The following CDC45 variants were observed in gnomAD, a reference collection of about 807,000 sequenced individuals.
The protein encoded by CDC45 is cell division cycle 45, also known as cell division control protein 45 homolog.
In CDC45, 54 loss-of-function variants were observed where a neutral mutation model predicts 77.8. The ratio of observed to expected loss-of-function variants is 0.69; its 90% CI spans 0.56 to 0.87. The LOEUF is 0.87. Ranked by LOEUF, CDC45 falls within the 40% of genes least tolerant of loss-of-function variation. CDC45 has a pLI of 0.00. For missense variants in CDC45, 649 were observed against 721.6 expected (o/e 0.90, Z 1.15); for synonymous variants, 260 against 272.1 (o/e 0.96, Z 0.44).
chr22:19,510,283 A>G (rs1933441538), intron 13 of CDC45, among the ~76,000 whole-genome samples: 1 of 151,994 alleles, frequency 6.6e-6, no homozygotes, highest in South Asian at 2.1e-4. Context: ...AGTAGGTTGC[A>G]GTTAGGTTTT....
In CDC45 at chr22:19,494,328, A is replaced by C; in HGVS notation, c.488A>C (p.Glu163Ala). 1 of 1,612,412 alleles carries C rather than the reference A, an allele frequency of 6.2e-7. No individual in the cohort carries two copies. The highest frequency in any genetic ancestry group is 8.5e-7 in the Non-Finnish European group (1 of 1,179,838). ...PSEKRTRLEEEIVEQTMRRRQ... is the reference protein window; with the variant it reads ...PSEKRTRLEEAIVEQTMRRRQ... ...TTGTTCTCTTTGTCCCTGTATCAGG[A>C]GATAGTGGAGCAAACCATGCGGAGG... Residue 163 changes from glutamate to alanine, a missense_variant and splice_region_variant, in exon 6 of 19, where the codon GAG becomes GCG. Physicochemically the swap from Glu to Ala is moderately radical, Grantham distance 107. Coordinates refer to ENST00000263201, the MANE Select transcript of CDC45 (RefSeq NM_003504.5).
At position 19,507,797 on chromosome 22, in the gene CDC45, C is replaced by A. The variant is rs756413581; in HGVS notation, c.988C>A (p.Gln330Lys). The A allele has an allele frequency of 6.2e-7, 1 of 1,601,998 alleles. No individual in the cohort carries two copies. ...CCTGAAGCAGGTGAAGCAGAAGTTC[C>A]AGGCCATGGACATCTCCTTGAAGGA... ...LPLKQVKQKF[Q>K]AMDISLKENL... The change falls in exon 12 of 19, where the codon CAG becomes AAG. Residue 330 changes from glutamine to lysine, a missense_variant. Coordinates refer to ENST00000263201, the MANE Select transcript of CDC45 (RefSeq NM_003504.5).
intron 17 of CDC45, among the ~76,000 whole-genome samples, chr22:19,518,375 G>A (rs1249747953): frequency 2.6e-5 from 4 of 152,216 alleles, no homozygotes; most frequent in Non-Finnish European, 5.9e-5. Context: ...GGGTCTGGGT[G>A]CTCAGCTGAG....
At position 19,505,446 on chromosome 22, in the gene CDC45, C is replaced by CT; in HGVS notation, c.790dup (p.Ser264PhefsTer10). 6.2e-7 allele frequency: 1 copy of CT among 1,614,082 alleles called. No homozygotes were observed. Among genetic ancestry groups the CT allele is most frequent in the Non-Finnish European group, 8.5e-7 (1 of 1,179,898 alleles). On this transcript the variant is annotated frameshift_variant, in exon 10 of 19. Transcript: ENST00000263201. LOFTEE classifies it high-confidence loss of function. ...GGAACGAGGATGAGGAGAACACACT[C>CT]TCCGTGGACTGCACACGGATCTCCT...
At chr22:19,488,822 A>T (rs530591441) in intron 5 of CDC45, among the ~76,000 whole-genome samples, 7 of 152,294 alleles carry the variant, frequency 4.6e-5, no homozygotes, top group African/African-American at 7.2e-5. Context: ...TTCTTTTGAG[A>T]TAATTACAGA....
intron 18 of CDC45, among the ~76,000 whole-genome samples, chr22:19,519,498 G>A (rs1212736493): frequency 6.6e-6 from 1 of 152,220 alleles, no homozygotes; most frequent in East Asian, 1.9e-4. Context: ...CTTTCTTAAG[G>A]GTTCCCAGGA....
intron 7 of CDC45, among the ~76,000 whole-genome samples, chr22:19,496,651 G>A (rs544335661): frequency 4.6e-5 from 7 of 152,244 alleles, no homozygotes; most frequent in Non-Finnish European, 1.0e-4. Context: ...TAAACAGTTG[G>A]TGGGGAGGGT....
At position 19,505,472 on chromosome 22, in the gene CDC45, TTGAGTA is replaced by T; in HGVS notation, c.823_824+4del. ...TCCGTGGACTGCACACGGATCTCCTTTGAGTATGAGTATCCTTGTGGCCCAGCCTGA... is the reference window on the plus strand; with the variant it reads ...TCCGTGGACTGCACACGGATCTCCTTTGAGTATCCTTGTGGCCCAGCCTGA... On this transcript the variant is annotated inframe_deletion, in exon 10 of 19. Transcript: ENST00000263201. 1.2e-6 allele frequency: 2 copies of T among 1,614,072 alleles called. No homozygotes were observed. The highest frequency in any genetic ancestry group is 1.7e-6 in the Non-Finnish European group (2 of 1,179,990).
rs769525949 is a variant in CDC45 at position 19,480,042 on chromosome 22, C to T, written c.51+23C>T. On this transcript the variant is annotated intron_variant, in intron 1 of 18. Transcript: ENST00000263201. ...CAGGTGACGCCCAGTCCGGGACCCC[C>T]GCCGAGGCCTTGCCGGTGGGGAAGG... is the stretch of plus-strand genomic sequence containing the variant. The T allele has an allele frequency of 2.5e-6, 4 of 1,613,758 alleles. No homozygotes were observed. The East Asian group carries it at 6.7e-5, about 27-fold the overall frequency.
At chr22:19,493,936 A>T (rs566292256) in intron 5 of CDC45, among the ~76,000 whole-genome samples, 8 of 152,200 alleles carry the variant, frequency 5.3e-5, no homozygotes, top group Admixed American at 2.0e-4. Context: ...TTCCTAACGC[A>T]TGGTAGAATA....
intron 13 of CDC45, among the ~76,000 whole-genome samples, chr22:19,512,104 C>G (rs1933548789): frequency 6.6e-6 from 1 of 152,086 alleles, no homozygotes; most frequent in African/African-American, 2.4e-5. Context: ...GCCCCTTACT[C>G]TTTACTATAG....
rs1933264050 is a variant in CDC45 at position 19,507,517 on chromosome 22, G to T, written c.956G>T (p.Gly319Val). 6.2e-7 allele frequency: 1 copy of T among 1,613,976 alleles called. No individual in the cohort carries two copies. Among genetic ancestry groups the T allele is most frequent in the Non-Finnish European group, 8.5e-7 (1 of 1,180,026 alleles). The part of the protein sequence containing the change: ...KRLQEFLADM[G>V]LPLKQVKQKF... ...CTCCAGGAGTTCCTTGCAGACATGG[G>T]GTGAGTGACTGCCTGGGCCTCTGCA... The change falls in exon 11 of 19, where the codon GGT becomes GTT. Residue 319 changes from glycine to valine, a missense_variant and splice_region_variant. By Grantham distance (109) the Gly-to-Val change is moderately radical. Transcript: ENST00000263201.
At chr22:19,507,941 T>G in intron 12 of CDC45, 77 bp downstream of exon 12, 2 of 1,017,148 alleles carry the variant, frequency 2.0e-6, no homozygotes, top group Non-Finnish European at 3.0e-6. Context: ...TTAACTGTGC[T>G]CCTAAAATAA....
upstream of CDC45, chr22:19,479,579 A>T (rs1210895492): frequency 3.4e-6 from 2 of 583,448 alleles, no homozygotes; most frequent in Non-Finnish European, 3.3e-6. Flanking sequence ...TGGGTATGTG[A>T]CTGAGTTTAA....
chr22:19,494,485 G>C, intron 6 of CDC45, 103 bp downstream of exon 6: 2 of 1,563,400 alleles, frequency 1.3e-6, no homozygotes, highest in Non-Finnish European at 1.7e-6. Flanking sequence ...ATAATTTATT[G>C]AGTTTAGAAC....
At chr22:19,481,168 A>C in intron 3 of CDC45, 123 bp downstream of exon 3, 1 of 613,806 alleles carries the variant, frequency 1.6e-6, no homozygotes, top group Non-Finnish European at 2.8e-6. Flanking sequence ...GGCAATATGG[A>C]AGAGAAAAAC....
chr22:19,497,680 C>G (rs562888015), intron 8 of CDC45, among the ~76,000 whole-genome samples: 1 of 152,282 alleles, frequency 6.6e-6, no homozygotes, highest in South Asian at 2.1e-4. Context: ...GAAGAGAATA[C>G]AGTACAGCTT....
Position 19,508,561 on chromosome 22 carries a change from A to G in CDC45, c.1087A>G (p.Ile363Val), listed in dbSNP as rs1247135258. The G allele has an allele frequency of 6.2e-7, 1 of 1,614,186 alleles. No homozygotes were observed. The highest frequency in any genetic ancestry group is 8.5e-7 in the Non-Finnish European group (1 of 1,180,034). Residue 363 changes from isoleucine (I) to valine (V), a missense_variant, in exon 13 of 19, where the codon ATT (isoleucine) becomes GTT (valine). By Grantham distance (29) the Ile-to-Val change is conservative. Coordinates refer to ENST00000263201, the MANE Select transcript of CDC45 (RefSeq NM_003504.5). ...GGACATGCGCGTGCAGACTTTCAGC[A>G]TTCATTTTGGGTTCAAGCACAAGTT... ...MKDMRVQTFSIHFGFKHKFLA... is the reference protein window; with the variant it reads ...MKDMRVQTFSVHFGFKHKFLA...
At position 19,480,174 on chromosome 22, in the gene CDC45, T is replaced by G. The variant is rs1295303212; in HGVS notation, c.68T>G (p.Val23Gly). ...VVQSQRVLLF[V>G]ASDVDALCAC... is the part of the protein sequence containing the mutation. Reference sequence around the variant, plus strand: ...CCCCGATAGAGGGTCCTTCTCTTCGTGGCCTCGGACGTGGATGCTCTGTGT... The same window carrying G: ...CCCCGATAGAGGGTCCTTCTCTTCGGGGCCTCGGACGTGGATGCTCTGTGT... Residue 23 changes from valine to glycine, a missense_variant, in exon 2 of 19, where the codon GTG becomes GGG. By Grantham distance (109) the Val-to-Gly change is moderately radical. Coordinates refer to ENST00000263201, the MANE Select transcript of CDC45 (RefSeq NM_003504.5). The G allele has an allele frequency of 1.2e-6, 2 of 1,614,032 alleles. No homozygotes were observed. The highest frequency in any genetic ancestry group is 1.6e-4 in the Middle Eastern group (1 of 6,062).
Sources: allele counts gnomAD v4.1 joint callset (sites outside exome capture counted in the v4.1 genomes callset), GRCh38; gene constraint gnomAD v4.1.1; transcripts MANE v1.5; gene names NCBI Gene and HGNC (gene_info 2026-07-23, HGNC 2026-07-21).